Variants in FER observed in about 807,000 individuals in gnomAD.
FER encodes the protein FER tyrosine kinase, also known as tyrosine-protein kinase Fer.
FER carries 63 observed loss-of-function variants against 111.0 expected under a neutral mutation model. The observed-to-expected ratio is 0.57, with a 90% CI of 0.46 to 0.70. FER has a LOEUF of 0.70. Among genes scored for constraint, FER ranks in the 30% least tolerant of loss-of-function variants. The pLI is 0.00. For synonymous variants in FER, 327 were observed against 313.9 expected (o/e 1.04, Z -0.44); for missense variants, 914 against 954.0 (o/e 0.96, Z 0.55).
At chr5:108,937,738 A>G (rs767556149) in intron 10 of FER, among the ~76,000 whole-genome samples, 7 of 151,838 alleles carry the variant, frequency 4.6e-5, no homozygotes, top group African/African-American at 9.7e-5. Flanking sequence ...GAAGTGGAAA[A>G]TGTGTCTGTT....
intron 3 of FER, among the ~76,000 whole-genome samples, chr5:108,814,782 T>C (rs1455334087): frequency 6.6e-6 from 1 of 152,180 alleles, no homozygotes; most frequent in Non-Finnish European, 1.5e-5. Context: ...ATCACTCTAG[T>C]TCGAATGCCT....
chr5:109,043,223 T>A (rs1026514440), intron 14 of FER, among the ~76,000 whole-genome samples: 1 of 152,182 alleles, frequency 6.6e-6, no homozygotes, highest in Non-Finnish European at 1.5e-5. Flanking sequence ...GAATCGTAAG[T>A]GCTTTAGGTA....
At chr5:109,047,235 T>TAA in intron 16 of FER, 37 bp downstream of exon 16, 1 of 1,134,016 alleles carries the variant, frequency 8.8e-7, no homozygotes, top group Non-Finnish European at 1.3e-6. Context: ...GATGACATTT[T>TAA]AATGTCATGT....
At chr5:109,107,967 AT>A (rs1334094189) in intron 17 of FER, among the ~76,000 whole-genome samples, 1 of 152,162 alleles carries the variant, frequency 6.6e-6, no homozygotes, top group Non-Finnish European at 1.5e-5. Context: ...TTAAATGTCT[AT>A]CCCAATTTTA....
chr5:109,178,192 C>T (rs184898103), intron 17 of FER, among the ~76,000 whole-genome samples: 3 of 152,136 alleles, frequency 2.0e-5, no homozygotes, highest in African/African-American at 7.2e-5. Flanking sequence ...GCCTAAAGGC[C>T]TAAGGTTTTA....
intron 9 of FER, among the ~76,000 whole-genome samples, chr5:108,885,525 C>G (rs902331060): frequency 6.6e-6 from 1 of 151,872 alleles, no homozygotes. Flanking sequence ...AGTCTGAAAT[C>G]AGGGTGCCAG....
intron 16 of FER, among the ~76,000 whole-genome samples, chr5:109,071,474 T>C (rs549315632): frequency 5.3e-5 from 8 of 150,500 alleles, no homozygotes; most frequent in Admixed American, 2.6e-4. Flanking sequence ...GAGTAAACCA[T>C]TTTATAGTGA....
intron 8 of FER, among the ~76,000 whole-genome samples, chr5:108,876,757 T>G (rs904146888): frequency 6.6e-6 from 1 of 152,210 alleles, no homozygotes. Flanking sequence ...ACTTAAAATT[T>G]TATTAAATAT....
intron 13 of FER, among the ~76,000 whole-genome samples, chr5:109,004,107 A>G (rs1219203338): frequency 6.6e-6 from 1 of 152,206 alleles, no homozygotes; most frequent in Non-Finnish European, 1.5e-5. Context: ...TACTCTGCTG[A>G]TGCAAATGTA....
chr5:109,101,219 T>C (rs1748192817), intron 17 of FER, among the ~76,000 whole-genome samples: 1 of 151,974 alleles, frequency 6.6e-6, no homozygotes, highest in South Asian at 2.1e-4. Flanking sequence ...ATCCTAAATA[T>C]GGCTAAGTAT....
At chr5:108,849,488 G>GTT (rs1339873149) in intron 5 of FER, among the ~76,000 whole-genome samples, 53 of 144,172 alleles carry the variant, frequency 3.7e-4, no homozygotes, top group African/African-American at 1.0e-3. Context: ...GTTTTGTTTT[G>GTT]TTGTTGTTGT....
intron 5 of FER, among the ~76,000 whole-genome samples, chr5:108,839,604 G>T (rs1347821331): frequency 3.9e-5 from 5 of 127,084 alleles, no homozygotes; most frequent in African/African-American, 9.5e-5. Flanking sequence ...TTGAGACGGA[G>T]CCTCGCTCTG....
intron 4 of FER, among the ~76,000 whole-genome samples, chr5:108,835,197 C>CA (rs1554074807): frequency 5.6e-5 from 7 of 125,636 alleles, no homozygotes; most frequent in African/African-American, 9.1e-5. Context: ...CCCCCCCCCC[C>CA]ACTTTTTTTT....
At position 109,188,657 on chromosome 5, in the gene FER, T is replaced by A. The variant is rs1279643885; in HGVS notation, c.*1082T>A. ...TATTCTAAAAACACATAATAATACA[T>A]ATTCTATTTTATGGTCTGAATTTAC... is the stretch of plus-strand genomic sequence containing the variant. On this transcript the variant is annotated 3_prime_UTR_variant, in exon 20 of 20. Coordinates refer to ENST00000281092, the MANE Select transcript of FER (RefSeq NM_005246.4). 6.6e-6 allele frequency: 1 copy of A among 152,084 alleles called. No individual in the cohort carries two copies. The highest frequency in any genetic ancestry group is 1.5e-5 in the Non-Finnish European group (1 of 67,986). 9.4% of individuals were successfully genotyped at this position (152,084 alleles called of 1,614,324 possible).
intron 2 of FER, among the ~76,000 whole-genome samples, chr5:108,779,232 G>A (rs1753794676): frequency 6.6e-6 from 1 of 151,976 alleles, no homozygotes; most frequent in African/African-American, 2.4e-5. Context: ...TCTTGAAACT[G>A]GGCAGTATCA....
chr5:108,934,458 A>G (rs1490349486), intron 10 of FER, among the ~76,000 whole-genome samples: 3 of 152,120 alleles, frequency 2.0e-5, no homozygotes, highest in Non-Finnish European at 4.4e-5. Flanking sequence ...TTTTAATGTT[A>G]ATCTTTTTAG....
intron 13 of FER, among the ~76,000 whole-genome samples, chr5:109,025,789 C>T (rs1768640158): frequency 6.6e-6 from 1 of 151,954 alleles, no homozygotes; most frequent in Non-Finnish European, 1.5e-5. Context: ...TTTTGAAATA[C>T]ATCCCATCAA....
intron 17 of FER, among the ~76,000 whole-genome samples, chr5:109,169,584 C>T (rs572079549): frequency 3.9e-5 from 6 of 152,098 alleles, no homozygotes; most frequent in African/African-American, 1.4e-4. Flanking sequence ...TGCTGAGATA[C>T]ATAAAAAAGT....
chr5:108,934,334 T>G (rs1383034118), intron 10 of FER, among the ~76,000 whole-genome samples: 1 of 152,194 alleles, frequency 6.6e-6, no homozygotes, highest in Non-Finnish European at 1.5e-5. Context: ...ATAGAAAATC[T>G]TTAACACAGA....
Sources: gnomAD v4.1 joint callset for allele counts (sites outside exome capture counted in the v4.1 genomes callset) on GRCh38, gnomAD v4.1.1 for gene constraint, MANE v1.5 for transcripts, NCBI Gene and HGNC (gene_info 2026-07-23, HGNC 2026-07-21) for gene names.